The following NOTCH3 variants were observed in gnomAD, a reference collection of about 807,000 sequenced individuals.
NOTCH3 encodes neurogenic locus notch homolog protein 3.
A neutral mutation model predicts 213.3 loss-of-function variants in NOTCH3; 86 were observed. The ratio of observed to expected loss-of-function variants is 0.40; its 90% CI spans 0.34 to 0.48. NOTCH3 has a LOEUF of 0.48. Ranked by LOEUF, NOTCH3 falls within the 20% of genes least tolerant of loss-of-function variation. The probability of loss-of-function intolerance (pLI) is 0.57; values close to 1 mark genes in which losing one functional copy is unlikely to be tolerated. For synonymous variants in NOTCH3, 1,354 were observed against 1,355.9 expected (o/e 1.00, Z 0.03); for missense variants, 2,783 against 3,272.6 (o/e 0.85, Z 3.65).
chr19:15,195,637 G>T (rs1348527948), intron 2 of NOTCH3, among the ~76,000 whole-genome samples: 1 of 151,830 alleles, frequency 6.6e-6, no homozygotes, highest in African/African-American at 2.4e-5. Context: ...GCAAGGGTGC[G>T]GGTGGCGTTG....
In NOTCH3 at chr19:15,160,125, G is replaced by A. The variant is rs1262923338; in HGVS notation, c.*537C>T. On this transcript the variant is annotated 3_prime_UTR_variant, in exon 33 of 33. Transcript: ENST00000263388. ...TACCTGGGTCGTGTACTCGGTACAC[G>A]GGATCCCAGTCATGCCTGTGTACTA... The A allele has an allele frequency of 1.7e-5, 4 of 235,138 alleles. No homozygotes were observed. Among genetic ancestry groups the A allele is most frequent in the Non-Finnish European group, 2.5e-5 (3 of 119,392 alleles). 14.6% of individuals were successfully genotyped at this position (235,138 alleles called of 1,614,324 possible).
rs2145408736 is a variant in NOTCH3, at chr19:15,174,173, C to T, written c.4631G>A (p.Arg1544His). The change falls in exon 25 of 33, where the codon CGC (arginine) becomes CAC (histidine). Residue 1544 changes from arginine to histidine, a missense_variant. This residue lies in a region of NOTCH3 where 636 missense variants were observed against 801.8 expected (regional missense o/e 0.79). Coordinates refer to ENST00000263388, the MANE Select transcript of NOTCH3 (RefSeq NM_000435.3). ...RLSAILRTSLRFRLDAHGQAM... is the reference protein window; with the variant it reads ...RLSAILRTSLHFRLDAHGQAM... ...CTGGCCGTGCGCGTCCAGGCGGAAGCGCAGCGAGGTGCGCAGGATGGCGCT... is the reference window on the plus strand; with the variant it reads ...CTGGCCGTGCGCGTCCAGGCGGAAGTGCAGCGAGGTGCGCAGGATGGCGCT... The T allele has an allele frequency of 1.2e-6, 2 of 1,609,496 alleles. No homozygotes were observed. The highest frequency in any genetic ancestry group is 2.2e-5 in the East Asian group (1 of 44,866).
chr19:15,198,004 G>A (rs183391109), intron 1 of NOTCH3, among the ~76,000 whole-genome samples: 2,090 of 152,252 alleles, frequency 0.014, 54 homozygotes, highest in African/African-American at 0.049. Flanking sequence ...CTAGGGCCAC[G>A]GGTCTTCCTT....
chr19:15,183,614 G>T (rs1171017834), intron 16 of NOTCH3, among the ~76,000 whole-genome samples: 1 of 152,136 alleles, frequency 6.6e-6, no homozygotes, highest in African/African-American at 2.4e-5. Flanking sequence ...GGCCAGGCTG[G>T]TCTCAAACTC....
At position 15,174,372 on chromosome 19, in the gene NOTCH3, G is replaced by T. The variant is rs1288705900; in HGVS notation, c.4432C>A (p.His1478Asn). 1 of 1,543,416 alleles carries T rather than the reference G, an allele frequency of 6.5e-7. No homozygotes were observed. Among genetic ancestry groups the T allele is most frequent in the Non-Finnish European group, 8.8e-7 (1 of 1,142,194 alleles). ...TGGTCGCAGCGGCCGTCGGCAAAGT[G>T]GTCGGCGCAGTACTTCTCGTACACC... ...NPVYEKYCAD[H>N]FADGRCDQGC... Residue 1478 changes from histidine to asparagine, a missense_variant, in exon 25 of 33, where the codon CAC (histidine) becomes AAC (asparagine). Physicochemically the swap from His to Asn is moderately conservative, Grantham distance 68. This residue lies in a region of NOTCH3 where 636 missense variants were observed against 801.8 expected (regional missense o/e 0.79). Coordinates refer to ENST00000263388, the MANE Select transcript of NOTCH3 (RefSeq NM_000435.3).
chr19:15,189,077 G>T lies in NOTCH3; in HGVS notation c.1290C>A (p.Thr430=). The T allele has an allele frequency of 1.2e-6, 2 of 1,613,158 alleles. No homozygotes were observed. Among genetic ancestry groups the T allele is most frequent in the African/African-American group, 2.7e-5 (2 of 75,062 alleles). Residue 430 remains threonine (T), a synonymous_variant, in exon 8 of 33, where the codon ACC becomes ACA. Coordinates refer to ENST00000263388, the MANE Select transcript of NOTCH3 (RefSeq NM_000435.3). ...GCCCCGACAGACACTCGTTGACATCGGTCTCACAGCGAGGTCCAGTGTAGC... is the reference window on the plus strand; with the variant it reads ...GCCCCGACAGACACTCGTTGACATCTGTCTCACAGCGAGGTCCAGTGTAGC... ...GRGYTGPRCE[T]DVNECLSGPC...
chr19:15,182,465 C>A (rs1858485260), intron 16 of NOTCH3, among the ~76,000 whole-genome samples: 1 of 150,582 alleles, frequency 6.6e-6, no homozygotes, highest in Admixed American at 6.6e-5. Context: ...CATGATCGCA[C>A]CACTGCACTC....
rs1178744458 is a variant in NOTCH3, at chr19:15,170,042, G to A, written c.5199+44C>T. The A allele has an allele frequency of 2.6e-6, 3 of 1,140,772 alleles. No homozygotes were observed. In the Admixed American group the frequency reaches 5.9e-5, roughly 22 times the overall value. 70.7% of individuals were successfully genotyped at this position (1,140,772 alleles called of 1,614,324 possible). A position where few individuals can be genotyped will look rare whatever the true frequency, so the allele number is the denominator to read the frequency against. On this transcript the variant is annotated intron_variant, in intron 28 of 32. Coordinates refer to ENST00000263388, the MANE Select transcript of NOTCH3 (RefSeq NM_000435.3). ...GGGGACCCCACCCAGTACCCTGAGG[G>A]GAGGGGTCAGAGGAGGGGGCAAAGG...
At position 15,170,528 on chromosome 19, in the gene NOTCH3, G is replaced by A. The variant is rs2145400418; in HGVS notation, c.4917C>T (p.Pro1639=). The A allele has an allele frequency of 6.2e-7, 1 of 1,609,930 alleles. No individual in the cohort carries two copies. The highest frequency in any genetic ancestry group is 8.5e-7 in the Non-Finnish European group (1 of 1,179,886). ...VRGEPLEPPE[P]SVPLLPLLVA... ...CTAGCAGTGGCAGCAGCGGGACGCTGGGTTCTGGAGGCTCCAGCGGCTCCC... is the reference window on the plus strand; with the variant it reads ...CTAGCAGTGGCAGCAGCGGGACGCTAGGTTCTGGAGGCTCCAGCGGCTCCC... The change falls in exon 27 of 33, where the codon CCC becomes CCT. Residue 1639 remains proline, a synonymous_variant. Coordinates refer to ENST00000263388, the MANE Select transcript of NOTCH3 (RefSeq NM_000435.3).
At position 15,180,740 on chromosome 19, in the gene NOTCH3, C is replaced by G. The variant is rs146829488; in HGVS notation, c.3083G>C (p.Trp1028Ser). 17 of 1,585,240 alleles carry G rather than the reference C, an allele frequency of 1.1e-5. No homozygotes were observed. Among genetic ancestry groups the G allele is most frequent in the Admixed American group, 1.8e-5 (1 of 54,804 alleles). ...TGAYCLCPPG[W>S]SGRLCDIRSL... ...TCGGATGTCACAGAGGCGTCCGCTC[C>G]ATCCAGGGGGACAAAGGCAATAGGC... Residue 1028 changes from tryptophan (W) to serine (S), a missense_variant, in exon 19 of 33, where the codon TGG (tryptophan) becomes TCG (serine). By Grantham distance (177) the Trp-to-Ser change is radical. This residue lies in a region of NOTCH3 where 861 missense variants were observed against 909.1 expected (regional missense o/e 0.95). Transcript: ENST00000263388.
intron 28 of NOTCH3, among the ~76,000 whole-genome samples, chr19:15,169,229 T>C (rs1042319347): frequency 7.6e-6 from 1 of 131,658 alleles, no homozygotes; most frequent in South Asian, 2.5e-4. Flanking sequence ...TCTCTCTCTC[T>C]CCCCTCTGTG....
At chr19:15,174,667 C>A (rs1427098605) in intron 24 of NOTCH3, among the ~76,000 whole-genome samples, 1 of 151,750 alleles carries the variant, frequency 6.6e-6, no homozygotes. Context: ...TCCACCTCCC[C>A]GGTTCCAGCG....
At chr19:15,164,551 AATT>A (rs201766683) in intron 31 of NOTCH3, among the ~76,000 whole-genome samples, 2,178 of 142,614 alleles carry the variant, frequency 0.015, 184 homozygotes, top group African/African-American at 0.041. Context: ...CAAAAAAAAA[AATT>A]AAAAAAAGGG....
In NOTCH3 at chr19:15,185,146, T is replaced by C. The variant is rs950172564; in HGVS notation, c.2296+111A>G. ...CACCTCCCAAGCTCCTGGAGGGAAA[T>C]GATTGAAAGCAAAAAAGAAGCTAAC... On this transcript the variant is annotated intron_variant, in intron 14 of 32. Coordinates refer to ENST00000263388, the MANE Select transcript of NOTCH3 (RefSeq NM_000435.3). The surrounding 1 kb of genome is among the most constrained non-coding windows in gnomAD (Gnocchi z 4.2). The C allele has an allele frequency of 2.1e-6, 3 of 1,441,166 alleles. No homozygotes were observed. Among genetic ancestry groups the C allele is most frequent in the Admixed American group, 1.8e-5 (1 of 56,242 alleles). 89.3% of individuals were successfully genotyped at this position (1,441,166 alleles called of 1,614,324 possible).
At chr19:15,178,213 C>T in intron 23 of NOTCH3, 123 bp from the exon 24 acceptor site, 1 of 626,730 alleles carries the variant, frequency 1.6e-6, no homozygotes, top group Non-Finnish European at 2.7e-6. Context: ...GAGAAGAGGT[C>T]AAGACTAAGG....
Position 15,185,948 on chromosome 19 carries a change from C to T in NOTCH3, c.1952-269G>A, listed in dbSNP as rs571697796. Among the ~76,000 whole-genome samples the T allele has an allele frequency of 6.6e-6, 1 of 152,160 alleles. No individual in the cohort carries two copies. The highest frequency in any genetic ancestry group is 2.4e-5 in the African/African-American group (1 of 41,512). ...TTGAGATGGGGTCTCACTCTGTCGCCCGGGCTGGACTGCAGTGGCATGATC... is the reference window on the plus strand; with the variant it reads ...TTGAGATGGGGTCTCACTCTGTCGCTCGGGCTGGACTGCAGTGGCATGATC... On this transcript the variant is annotated intron_variant, in intron 12 of 32. Transcript: ENST00000263388. This position sits in a 1 kb window ranked among gnomAD's most constrained non-coding sequence, Gnocchi z 4.2.
At chr19:15,169,995 CT>C (rs1247547746) in intron 28 of NOTCH3, 90 bp downstream of exon 28, 1 of 730,958 alleles carries the variant, frequency 1.4e-6, no homozygotes, top group African/African-American at 1.7e-5. Flanking sequence ...GTGCCATCCC[CT>C]GATCACGCCC....
chr19:15,160,619 G>C lies in NOTCH3; in HGVS notation c.*43C>G, dbSNP rs1204808496. On this transcript the variant is annotated 3_prime_UTR_variant, in exon 33 of 33. Transcript: ENST00000263388. The stretch of plus-strand genomic sequence containing the variant: ...ACAGAGAAAGAAAGGAGGCAGGACG[G>C]GGGTCTCTTTAGGCCCCCAAGATCT... The C allele has an allele frequency of 7.0e-7, 1 of 1,418,844 alleles. No individual in the cohort carries two copies. Among genetic ancestry groups the C allele is most frequent in the Non-Finnish European group, 1.0e-6 (1 of 1,001,936 alleles). 87.9% of individuals were successfully genotyped at this position (1,418,844 alleles called of 1,614,324 possible). A position where few individuals can be genotyped will look rare whatever the true frequency, so the allele number is the denominator to read the frequency against.
rs1006580260 is a variant in NOTCH3, at chr19:15,200,906, G to A, written c.-1C>T. ...GGCGGCCACGGGCCCCCGGCCCCAT[G>A]GCGGCCGGCCGCGACCCTCCCCTCC... On this transcript the variant is annotated 5_prime_UTR_variant, in exon 1 of 33. Coordinates refer to ENST00000263388, the MANE Select transcript of NOTCH3 (RefSeq NM_000435.3). 4.6e-6 allele frequency: 2 copies of A among 438,198 alleles called. No homozygotes were observed. The highest frequency in any genetic ancestry group is 6.7e-6 in the Non-Finnish European group (2 of 298,110). 27.1% of individuals were successfully genotyped at this position (438,198 alleles called of 1,614,324 possible).
Sources: gnomAD v4.1 joint callset for allele counts (sites outside exome capture counted in the v4.1 genomes callset) on GRCh38, gnomAD v4.1.1 for gene constraint, gnomAD v4.1.1 regional missense constraint, Gnocchi (gnomAD v3.1) non-coding constraint, MANE v1.5 for transcripts, NCBI Gene and HGNC (gene_info 2026-07-23, HGNC 2026-07-21) for gene names.